The following MAPK10 variants were observed in gnomAD, a reference collection of about 807,000 sequenced individuals.
MAPK10 encodes the protein JNK3 alpha protein kinase.
Under a neutral mutation model 59.3 loss-of-function variants are expected in MAPK10, and 25 were observed. The ratio of observed to expected loss-of-function variants is 0.42; its 90% CI spans 0.31 to 0.59. The LOEUF is 0.59. Among genes scored for constraint, MAPK10 ranks in the 20% least tolerant of loss-of-function variants. MAPK10 has a pLI of 0.15. For synonymous variants in MAPK10, 190 were observed against 200.5 expected (o/e 0.95, Z 0.44); for missense variants, 351 against 568.9 (o/e 0.62, Z 3.90).
At chr4:86,406,759 G>A (rs983023861) in intron 1 of MAPK10, among the ~76,000 whole-genome samples, 1 of 152,220 alleles carries the variant, frequency 6.6e-6, no homozygotes, top group African/African-American at 2.4e-5. Context: ...AGTGGTGACA[G>A]GCTGGACAGG....
chr4:86,312,837 T>G (rs1321649965), intron 2 of MAPK10, among the ~76,000 whole-genome samples: 1 of 152,102 alleles, frequency 6.6e-6, no homozygotes, highest in Non-Finnish European at 1.5e-5. Flanking sequence ...AGTATTGGAT[T>G]GTCTATGTTC....
rs1005992886 is a variant in MAPK10, at chr4:86,501,136, A to C, written c.-263+92774T>G. 4.0e-5 allele frequency among the ~76,000 whole-genome samples: 6 copies of C among 148,212 alleles called. No individual in the cohort carries two copies. The South Asian group carries it at 6.3e-4, about 16-fold the overall frequency. ...TCTGAAAAAAAAAAAAAAAAAAAAA[A>C]AAAACTTTTAATTGATTCTTTTTCA... On this transcript the variant is annotated intron_variant, in intron 1 of 4. Coordinates refer to the MAPK10 transcript ENST00000502302.
chr4:86,377,136 C>A (rs1739944462), intron 1 of MAPK10, among the ~76,000 whole-genome samples: 1 of 152,190 alleles, frequency 6.6e-6, no homozygotes, highest in Admixed American at 6.6e-5. Context: ...TTAAAGAAGT[C>A]TTTCATGAAG....
At chr4:86,190,363 T>C (rs971813001) in intron 3 of MAPK10, among the ~76,000 whole-genome samples, 2 of 152,186 alleles carry the variant, frequency 1.3e-5, no homozygotes, top group African/African-American at 2.4e-5. Flanking sequence ...CAGCTGTGAA[T>C]CTGTCTGGTC....
At chr4:86,201,998 A>G (rs1371573390) in intron 2 of MAPK10, among the ~76,000 whole-genome samples, 2 of 151,930 alleles carry the variant, frequency 1.3e-5, no homozygotes, top group Non-Finnish European at 2.9e-5. Flanking sequence ...CACACATTAT[A>G]GACCTCATAA....
At chr4:86,344,137 G>A (rs1420733589) in intron 2 of MAPK10, among the ~76,000 whole-genome samples, 1 of 152,136 alleles carries the variant, frequency 6.6e-6, no homozygotes, top group Non-Finnish European at 1.5e-5. Context: ...GAATGCCTGG[G>A]TAGAAGCTGA....
intron 11 of MAPK10, among the ~76,000 whole-genome samples, chr4:86,060,547 C>G (rs1288769859): frequency 2.6e-5 from 4 of 152,024 alleles, no homozygotes; most frequent in Non-Finnish European, 5.9e-5. Flanking sequence ...AAAGCCACCA[C>G]TGGATCCTAG....
At chr4:86,163,798 CA>C (rs2070686242) in intron 3 of MAPK10, among the ~76,000 whole-genome samples, 1 of 152,070 alleles carries the variant, frequency 6.6e-6, no homozygotes, top group African/African-American at 2.4e-5. Context: ...GGAAGCAATG[CA>C]GATCGACATG....
intron 9 of MAPK10, among the ~76,000 whole-genome samples, chr4:86,070,739 G>C (rs1411260923): frequency 2.5e-4 from 38 of 150,554 alleles, no homozygotes; most frequent in African/African-American, 9.2e-4. Flanking sequence ...TTTTATGGCT[G>C]CATAGTATTC....
chr4:86,092,590 C>A (rs2053457623), intron 9 of MAPK10, among the ~76,000 whole-genome samples: 1 of 149,156 alleles, frequency 6.7e-6, no homozygotes, highest in African/African-American at 2.5e-5. Flanking sequence ...CATAAACATA[C>A]TAATACAATA....
At chr4:86,493,067 T>C (rs1754597396) in intron 1 of MAPK10, among the ~76,000 whole-genome samples, 1 of 152,206 alleles carries the variant, frequency 6.6e-6, no homozygotes, top group Admixed American at 6.5e-5. Context: ...CAACCATTCA[T>C]AGACTGCTGA....
At chr4:86,287,821 T>C (rs1458758013) in intron 2 of MAPK10, among the ~76,000 whole-genome samples, 1 of 152,220 alleles carries the variant, frequency 6.6e-6, no homozygotes, top group African/African-American at 2.4e-5. Flanking sequence ...ATCTAATGTT[T>C]CTTCACTGTT....
At chr4:86,160,784 T>C (rs926296888) in intron 3 of MAPK10, among the ~76,000 whole-genome samples, 1 of 152,074 alleles carries the variant, frequency 6.6e-6, no homozygotes, top group African/African-American at 2.4e-5. Context: ...CACTAACTTT[T>C]CTGAAAATCG....
chr4:86,583,513 C>T (rs1011268151), intron 1 of MAPK10, among the ~76,000 whole-genome samples: 4 of 152,196 alleles, frequency 2.6e-5, no homozygotes, highest in South Asian at 2.1e-4. Context: ...ATTAAAAAAA[C>T]GCAGTTTTCC....
chr4:86,132,371 C>T (rs549618650), intron 4 of MAPK10, among the ~76,000 whole-genome samples: 4 of 152,210 alleles, frequency 2.6e-5, no homozygotes, highest in Middle Eastern at 3.4e-3. Context: ...TTGGGAAATG[C>T]ATATAACCAA....
At chr4:86,431,141 C>A (rs1044665123) in intron 1 of MAPK10, among the ~76,000 whole-genome samples, 7 of 151,988 alleles carry the variant, frequency 4.6e-5, no homozygotes, top group African/African-American at 1.7e-4. Flanking sequence ...AGGAAGATAA[C>A]CTTTTAACAG....
chr4:86,115,048 T>C (rs796100770), intron 4 of MAPK10, among the ~76,000 whole-genome samples: 4 of 152,194 alleles, frequency 2.6e-5, no homozygotes, highest in Admixed American at 6.6e-5. Flanking sequence ...CAACTGGAGT[T>C]GCAGTGATGG....
At chr4:86,114,702 C>G (rs1294876725) in intron 4 of MAPK10, among the ~76,000 whole-genome samples, 4 of 152,192 alleles carry the variant, frequency 2.6e-5, no homozygotes, top group African/African-American at 7.2e-5. Flanking sequence ...TCTGACTACC[C>G]CTTGGCTGAG....
intron 1 of MAPK10, chr4:86,358,246 T>G (rs1735512461): frequency 2.0e-6 from 2 of 985,270 alleles, no homozygotes; most frequent in Admixed American, 6.2e-5. Flanking sequence ...CTGAGAGAAA[T>G]GGTCCTTACT....
Sources: allele counts gnomAD v4.1 joint callset (sites outside exome capture counted in the v4.1 genomes callset), GRCh38; gene constraint gnomAD v4.1.1; transcripts MANE v1.5; gene names NCBI Gene and HGNC (gene_info 2026-07-23, HGNC 2026-07-21).